The following INSL6 variants were observed in gnomAD, a reference collection of about 807,000 sequenced individuals.
The protein encoded by INSL6 is insulin like 6, also known as insulin-like peptide INSL6.
INSL6 carries 16 observed loss-of-function variants against 9.4 expected under a neutral mutation model. The ratio of observed to expected loss-of-function variants is 1.70; its 90% CI spans 1.15 to 2.59. The LOEUF is 2.59. Among genes scored for constraint, INSL6 ranks in the 30% most tolerant of loss-of-function variants. The pLI, the probability that INSL6 is intolerant of heterozygous loss-of-function variation, is 0.00. For synonymous variants in INSL6, 154 were observed against 96.9 expected (o/e 1.59, Z -3.46); for missense variants, 391 against 257.3 (o/e 1.52, Z -3.56).
At chr9:5,040,938 G>A in the INSL6 span, 2 of 416,228 alleles carry the variant, frequency 4.8e-6, no homozygotes, top group Admixed American at 3.5e-5. Context: ...GGCCATGGCG[G>A]AGCCAAGGAA....
intron 2 of INSL6, among the ~76,000 whole-genome samples, chr9:5,145,661 A>G (rs908700241): frequency 2.0e-5 from 3 of 151,200 alleles, no homozygotes; most frequent in Non-Finnish European, 2.9e-5. Context: ...ATTCCTTTTC[A>G]CTCTTTTTTC....
At chr9:5,100,356 A>G in the INSL6 span, 1 of 151,782 alleles carries the variant, frequency 6.6e-6, no homozygotes, top group Non-Finnish European at 1.5e-5. Flanking sequence ...TAATTCTACT[A>G]CTCTTTTAAC....
chr9:5,059,279 T>A, the INSL6 span, among the ~76,000 whole-genome samples: 2 of 152,318 alleles, frequency 1.3e-5, no homozygotes, highest in East Asian at 3.9e-4. Context: ...TCACTTAGTT[T>A]TATCTATTAA....
the INSL6 span, chr9:5,080,294 G>A: frequency 6.2e-7 from 1 of 1,613,198 alleles, no homozygotes; most frequent in Non-Finnish European, 8.5e-7. Context: ...TTTAAATTTG[G>A]CAACAGACAA....
the INSL6 span, chr9:5,041,324 C>A: frequency 1.4e-6 from 1 of 739,116 alleles, no homozygotes; most frequent in Non-Finnish European, 2.3e-6. Context: ...GTGCAGCCAG[C>A]ACAAGAGCTT....
the INSL6 span, chr9:5,050,679 G>A: frequency 1.2e-6 from 2 of 1,609,270 alleles, no homozygotes; most frequent in Non-Finnish European, 1.7e-6. Context: ...CAAATTTTTG[G>A]TTTTAGTGGC....
intron 3 of INSL6, among the ~76,000 whole-genome samples, chr9:5,133,185 G>A (rs547937944): frequency 2.0e-5 from 3 of 150,642 alleles, no homozygotes; most frequent in Non-Finnish European, 2.9e-5. Context: ...GAGGAAATTA[G>A]GGAAAGATGT....
At chr9:5,173,163 T>C (rs1825219834) in intron 1 of INSL6, among the ~76,000 whole-genome samples, 1 of 152,168 alleles carries the variant, frequency 6.6e-6, no homozygotes, top group African/African-American at 2.4e-5. Flanking sequence ...ATTCCTACTG[T>C]TGGTGGGAAT....
At chr9:5,043,037 TG>T in the INSL6 span, among the ~76,000 whole-genome samples, 2 of 152,274 alleles carry the variant, frequency 1.3e-5, no homozygotes, top group South Asian at 4.1e-4. Flanking sequence ...CCCTGCTGTG[TG>T]GAGGCGCGCG....
At chr9:5,112,382 G>A in the INSL6 span, 2 of 424,976 alleles carry the variant, frequency 4.7e-6, no homozygotes, top group South Asian at 2.7e-5. Flanking sequence ...AGGCCACTGG[G>A]GAAATCAAGC....
intron 2 of INSL6, among the ~76,000 whole-genome samples, chr9:5,157,653 T>G (rs924740289): frequency 1.3e-5 from 2 of 152,094 alleles, no homozygotes; most frequent in African/African-American, 4.8e-5. Flanking sequence ...CTTAAGAAAT[T>G]TGTAATAAGC....
the INSL6 span, chr9:5,041,288 G>A: frequency 2.0e-6 from 2 of 993,886 alleles, no homozygotes; most frequent in East Asian, 4.9e-5. Context: ...GGGGTACACT[G>A]GTCTCAGGAC....
intron 1 of INSL6, among the ~76,000 whole-genome samples, chr9:5,179,715 A>T (rs1332021587): frequency 6.6e-6 from 1 of 152,224 alleles, no homozygotes; most frequent in Non-Finnish European, 1.5e-5. Context: ...GGAGTTGGAA[A>T]CCATCATTCT....
the INSL6 span, chr9:5,108,518 T>C: frequency 6.6e-6 from 1 of 152,096 alleles, no homozygotes; most frequent in Admixed American, 6.5e-5. Flanking sequence ...GACTAGCATG[T>C]ATTATGGCCT....
chr9:5,163,380 TTTAAG>T (rs1438434124), downstream of INSL6, among the ~76,000 whole-genome samples: 1 of 152,190 alleles, frequency 6.6e-6, no homozygotes, highest in Non-Finnish European at 1.5e-5. Context: ...TAAACTCTCT[TTTAAG>T]TTCTCAGTAG....
chr9:5,103,221 CAAAAAAAAAAAAAAAAAA>C, the INSL6 span, among the ~76,000 whole-genome samples: 129 of 6,872 alleles, frequency 0.019, 5 homozygotes, highest in African/African-American at 0.063. Context: ...AAAGGGAAAG[CAAAAAAAAAAAAAAAAAA>C]AAAAAAAAAA....
At chr9:5,038,780 A>T in the INSL6 span, among the ~76,000 whole-genome samples, 1 of 152,154 alleles carries the variant, frequency 6.6e-6, no homozygotes, top group African/African-American at 2.4e-5. Context: ...AGGAATGCTC[A>T]GTTTGTTTAT....
At chr9:5,001,348 A>G in the INSL6 span, among the ~76,000 whole-genome samples, 2 of 152,140 alleles carry the variant, frequency 1.3e-5, no homozygotes, top group African/African-American at 4.8e-5. Context: ...TATTTTATTG[A>G]GGAAATTCCC....
At chr9:5,043,003 G>A in the INSL6 span, among the ~76,000 whole-genome samples, 1 of 152,212 alleles carries the variant, frequency 6.6e-6, no homozygotes, top group African/African-American at 2.4e-5. Flanking sequence ...GGGCCGGCTG[G>A]CGTCGCGCGG....
Sources: gnomAD v4.1 joint callset for allele counts (sites outside exome capture counted in the v4.1 genomes callset) on GRCh38, gnomAD v4.1.1 for gene constraint, MANE v1.5 for transcripts, NCBI Gene and HGNC (gene_info 2026-07-23, HGNC 2026-07-21) for gene names.